Variants in CNTN3 observed in about 807,000 individuals in gnomAD.
CNTN3 encodes contactin 3, also known as contactin-3.
Under a neutral mutation model 119.1 loss-of-function variants are expected in CNTN3, and 60 were observed. That is an observed-to-expected ratio of 0.50 (90% confidence interval 0.41 to 0.62). The LOEUF (loss-of-function observed/expected upper bound fraction) is 0.62. Among genes scored for constraint, CNTN3 ranks in the 20% least tolerant of loss-of-function variants. CNTN3 has a pLI of 0.00. For synonymous variants in CNTN3, 450 were observed against 438.7 expected (o/e 1.03, Z -0.32); for missense variants, 1,101 against 1,242.4 (o/e 0.89, Z 1.71).
At chr3:74,526,106 G>T (rs539133060) in intron 1 of CNTN3, among the ~76,000 whole-genome samples, 1 of 151,844 alleles carries the variant, frequency 6.6e-6, no homozygotes, top group East Asian at 2.0e-4. Context: ...AATTTTAACT[G>T]TAAGGATTGC....
At chr3:74,401,838 C>A (rs1369069709) in intron 5 of CNTN3, among the ~76,000 whole-genome samples, 1 of 152,170 alleles carries the variant, frequency 6.6e-6, no homozygotes, top group Admixed American at 6.5e-5. Context: ...TCCAGAATAA[C>A]CATTCTTGTA....
intron 4 of CNTN3, among the ~76,000 whole-genome samples, chr3:74,439,037 T>C (rs976673082): frequency 1.5e-4 from 23 of 152,292 alleles, no homozygotes; most frequent in African/African-American, 4.6e-4. Context: ...TGATCTGGCA[T>C]TCAAAGAGTA....
At chr3:74,582,062 T>A (rs1704517997) in intron 1 of CNTN3, among the ~76,000 whole-genome samples, 1 of 152,032 alleles carries the variant, frequency 6.6e-6, no homozygotes, top group Non-Finnish European at 1.5e-5. Flanking sequence ...ATCTCAAAAC[T>A]TAAAAAAGGA....
At chr3:74,495,636 T>C (rs1215741006) in intron 3 of CNTN3, among the ~76,000 whole-genome samples, 2 of 152,056 alleles carry the variant, frequency 1.3e-5, no homozygotes, top group African/African-American at 4.8e-5. Flanking sequence ...ATTTAGCACA[T>C]TATTTTATTT....
At chr3:74,267,636 C>A (rs1030303476) in intron 20 of CNTN3, 1 of 357,846 alleles carries the variant, frequency 2.8e-6, no homozygotes, top group Non-Finnish European at 5.1e-6. Flanking sequence ...TACCCCGAAT[C>A]TAAAATAAAA....
chr3:74,355,749 C>A (rs990308277), intron 11 of CNTN3, among the ~76,000 whole-genome samples: 5 of 151,978 alleles, frequency 3.3e-5, no homozygotes, highest in Non-Finnish European at 7.4e-5. Flanking sequence ...GCCACCGCAC[C>A]CTGCTGGTCC....
At chr3:74,527,922 C>T (rs1362153523) in intron 1 of CNTN3, among the ~76,000 whole-genome samples, 2 of 151,938 alleles carry the variant, frequency 1.3e-5, no homozygotes, top group African/African-American at 4.8e-5. Flanking sequence ...GAGAACAGCA[C>T]TGTCTAATGC....
intron 4 of CNTN3, among the ~76,000 whole-genome samples, chr3:74,463,682 C>G (rs9852645): frequency 0.59 from 88,933 of 151,918 alleles, 26,761 homozygotes; most frequent in African/African-American, 0.7. Flanking sequence ...ATCATTTAAG[C>G]AAACCTGAAA....
At position 74,470,696 on chromosome 3, in the gene CNTN3, T is replaced by C. The variant is rs79084959; in HGVS notation, c.358+15760A>G. On this transcript the variant is annotated intron_variant, in intron 4 of 22. Transcript: ENST00000263665. ...CTTTTCAGGTTACTTGCAGAGGATGTCATTAAATCAATGTGTTTAATAACA... is the reference window on the plus strand; with the variant it reads ...CTTTTCAGGTTACTTGCAGAGGATGCCATTAAATCAATGTGTTTAATAACA... Among the ~76,000 whole-genome samples, 1,338 of 152,246 alleles carry C rather than the reference T, an allele frequency of 8.8e-3. 17 individuals carry two copies. Among genetic ancestry groups the C allele is most frequent in the African/African-American group, 0.031 (1,271 of 41,526 alleles).
rs1704296059 is a variant in CNTN3 at position 74,369,974 on chromosome 3, C to T, written c.676G>A (p.Glu226Lys). The change falls in exon 7 of 23, where the codon GAA becomes AAA. Residue 226 changes from glutamate to lysine, a missense_variant. Transcript: ENST00000263665. ...GGAAACTGAACTTCTATTTTAGGTT[C>T]ATATTCACCCATCACACCTATAAAT... ...LRSDGVMGEY[E>K]PKIEVQFPET... 6.3e-7 allele frequency: 1 copy of T among 1,577,200 alleles called. No homozygotes were observed. Among genetic ancestry groups the T allele is most frequent in the African/African-American group, 1.4e-5 (1 of 73,834 alleles).
At chr3:74,545,227 T>C (rs1412137977) in intron 1 of CNTN3, among the ~76,000 whole-genome samples, 2 of 152,206 alleles carry the variant, frequency 1.3e-5, no homozygotes, top group Admixed American at 1.3e-4. Flanking sequence ...TGTCTATTAT[T>C]TGTTTTTAAA....
At chr3:74,336,065 C>T (rs1288171482) in intron 12 of CNTN3, among the ~76,000 whole-genome samples, 1 of 151,788 alleles carries the variant, frequency 6.6e-6, no homozygotes, top group Non-Finnish European at 1.5e-5. Flanking sequence ...AGGATACAGC[C>T]CAAGCAACTG....
intron 11 of CNTN3, among the ~76,000 whole-genome samples, chr3:74,342,569 C>T (rs563257776): frequency 1.1e-4 from 16 of 152,296 alleles, no homozygotes; most frequent in African/African-American, 3.8e-4. Flanking sequence ...CTTGGCTCTA[C>T]TCTATAACCT....
intron 1 of CNTN3, among the ~76,000 whole-genome samples, chr3:74,568,790 T>C (rs1454229569): frequency 2.0e-5 from 3 of 152,226 alleles, no homozygotes; most frequent in African/African-American, 7.2e-5. Flanking sequence ...CATTGTATTA[T>C]AGAATGTGAG....
At chr3:74,449,655 A>T (rs921990554) in intron 4 of CNTN3, among the ~76,000 whole-genome samples, 7 of 152,096 alleles carry the variant, frequency 4.6e-5, no homozygotes, top group Non-Finnish European at 1.0e-4. Flanking sequence ...TTTATATATT[A>T]TGCAAGAAAA....
chr3:74,273,076 T>A (rs1701813241), intron 20 of CNTN3, among the ~76,000 whole-genome samples: 1 of 152,110 alleles, frequency 6.6e-6, no homozygotes, highest in African/African-American at 2.4e-5. Context: ...TTTGGAAAAC[T>A]TTGCAATAAT....
chr3:74,488,493 A>G (rs1440004959), intron 3 of CNTN3, among the ~76,000 whole-genome samples: 1 of 152,152 alleles, frequency 6.6e-6, no homozygotes, highest in Admixed American at 6.6e-5. Context: ...TAGTTCTTAA[A>G]TTAAGAAGTA....
At chr3:74,576,465 G>GA (rs745780039) in intron 1 of CNTN3, among the ~76,000 whole-genome samples, 8 of 149,200 alleles carry the variant, frequency 5.4e-5, no homozygotes, top group Admixed American at 6.7e-5. Context: ...CTTGAGCAGA[G>GA]AAAAAAAAAT....
At chr3:74,279,326 C>T (rs1701947776) in intron 20 of CNTN3, among the ~76,000 whole-genome samples, 1 of 152,132 alleles carries the variant, frequency 6.6e-6, no homozygotes, top group Admixed American at 6.5e-5. Context: ...TATAGCAGCA[C>T]AATTCACAAT....
Sources: allele counts gnomAD v4.1 joint callset (sites outside exome capture counted in the v4.1 genomes callset), GRCh38; gene constraint gnomAD v4.1.1; transcripts MANE v1.5; gene names NCBI Gene and HGNC (gene_info 2026-07-23, HGNC 2026-07-21).